The following RNF43 variants were observed in gnomAD, a reference collection of about 807,000 sequenced individuals.
RNF43 encodes ring finger protein 43, also known as E3 ubiquitin-protein ligase RNF43.
In RNF43, 37 loss-of-function variants were observed where a neutral mutation model predicts 78.4. The observed-to-expected ratio is 0.47, with a 90% CI of 0.36 to 0.62. The LOEUF is 0.62. RNF43 is among the 20% of genes least tolerant of loss of function. The probability of loss-of-function intolerance (pLI) is 0.00; values close to 1 mark genes in which losing one functional copy is unlikely to be tolerated. For synonymous variants in RNF43, 347 were observed against 395.0 expected (o/e 0.88, Z 1.44); for missense variants, 774 against 1,007.9 (o/e 0.77, Z 3.14).
At position 58,362,106 on chromosome 17, in the gene RNF43, CAAA is replaced by C. The variant is rs1972845909; in HGVS notation, c.687+435_687+437del. Among the ~76,000 whole-genome samples the C allele has an allele frequency of 1.3e-5, 2 of 148,388 alleles. 1 individual carries two copies. Among genetic ancestry groups the C allele is most frequent in the South Asian group, 4.3e-4 (2 of 4,700 alleles). ...GTCTCAAAACAAACAAACAAACAAA[CAAA>C]CAAAAAAAAACCTTGTTCCCTTGCA... is the stretch of plus-strand genomic sequence containing the variant. On this transcript the variant is annotated intron_variant, in intron 6 of 9. Coordinates refer to ENST00000407977, the MANE Select transcript of RNF43 (RefSeq NM_017763.6).
rs193149631 is a variant in RNF43 at position 58,366,369 on chromosome 17, C to G, written c.376-2769G>C. On this transcript the variant is annotated intron_variant, in intron 3 of 9. Transcript: ENST00000407977. ...GCCTCTCCCCTCCACGCACCAGGTG[C>G]GTCCCTGAAACCTGGACTTAGCAGA... Among the ~76,000 whole-genome samples, 223 of 152,290 alleles carry G rather than the reference C, an allele frequency of 1.5e-3. 1 individual carries two copies. The highest frequency in any genetic ancestry group is 5.1e-3 in the African/African-American group (213 of 41,550).
intron 5 of RNF43, among the ~76,000 whole-genome samples, chr17:58,362,929 C>T (rs1403636682): frequency 6.6e-6 from 1 of 152,218 alleles, no homozygotes; most frequent in Non-Finnish European, 1.5e-5. Context: ...GTGGGAGTTT[C>T]TTGCCAGTGA....
At chr17:58,383,415 AC>A (rs1973363696) in intron 2 of RNF43, among the ~76,000 whole-genome samples, 1 of 151,640 alleles carries the variant, frequency 6.6e-6, no homozygotes, top group Admixed American at 6.6e-5. Flanking sequence ...TACCTCAGCA[AC>A]CCCCAAGTGG....
chr17:58,379,003 A>G (rs772029641), intron 2 of RNF43, among the ~76,000 whole-genome samples: 2 of 152,146 alleles, frequency 1.3e-5, no homozygotes, highest in Non-Finnish European at 2.9e-5. Context: ...GACCTTCAAA[A>G]TTTGTCTTTT....
At chr17:58,409,140 T>C (rs774523497) in intron 2 of RNF43, among the ~76,000 whole-genome samples, 7 of 152,238 alleles carry the variant, frequency 4.6e-5, no homozygotes, top group Non-Finnish European at 7.3e-5. Context: ...TCCTATCTCC[T>C]GCAAACCAGA....
intron 2 of RNF43, among the ~76,000 whole-genome samples, chr17:58,380,336 C>T (rs1973287500): frequency 6.6e-6 from 1 of 152,142 alleles, no homozygotes; most frequent in South Asian, 2.1e-4. Flanking sequence ...TATCTAATTC[C>T]CACAGGCCCA....
chr17:58,363,213 A>T (rs2143465123), intron 5 of RNF43, 62 bp downstream of exon 5: 3 of 1,591,030 alleles, frequency 1.9e-6, no homozygotes, highest in Non-Finnish European at 2.6e-6. Flanking sequence ...TTTTGGTGGG[A>T]GTTGCCACAG....
rs142671685 is a variant in RNF43 at position 58,409,473 on chromosome 17, C to T, written c.252+5853G>A. ...AAAAACATTTAAAAAATCCAATAAA[C>T]TCTTTCCAATGAACAAAATGTAAAG... On this transcript the variant is annotated intron_variant, in intron 2 of 9. Coordinates refer to ENST00000407977, the MANE Select transcript of RNF43 (RefSeq NM_017763.6). Among the ~76,000 whole-genome samples the T allele has an allele frequency of 1.4e-3, 220 of 152,272 alleles. 1 individual carries two copies. The highest frequency in any genetic ancestry group is 5.1e-3 in the African/African-American group (212 of 41,558).
At chr17:58,389,999 A>G (rs1223143309) in intron 2 of RNF43, among the ~76,000 whole-genome samples, 2 of 152,228 alleles carry the variant, frequency 1.3e-5, no homozygotes, top group Non-Finnish European at 2.9e-5. Flanking sequence ...GAAAGGATAC[A>G]CTGCTTATCT....
chr17:58,385,855 C>T (rs1007573708), intron 2 of RNF43, among the ~76,000 whole-genome samples: 1 of 152,126 alleles, frequency 6.6e-6, no homozygotes, highest in African/African-American at 2.4e-5. Context: ...GCTTGTAATC[C>T]CATAACTTTG....
chr17:58,401,647 T>C (rs1174831889), intron 2 of RNF43, among the ~76,000 whole-genome samples: 1 of 152,152 alleles, frequency 6.6e-6, no homozygotes, highest in African/African-American at 2.4e-5. Context: ...AGTAGGACAT[T>C]TTATATAATA....
chr17:58,370,880 C>A (rs895296333), intron 3 of RNF43, 31 bp downstream of exon 3: 1 of 1,540,932 alleles, frequency 6.5e-7, no homozygotes, highest in African/African-American at 1.4e-5. Context: ...GGTGAAGCTC[C>A]GGGTGTGTGT....
At chr17:58,378,183 G>C (rs1199885521) in intron 2 of RNF43, among the ~76,000 whole-genome samples, 1 of 152,228 alleles carries the variant, frequency 6.6e-6, no homozygotes, top group African/African-American at 2.4e-5. Context: ...ATCTCTCTGA[G>C]ATGACTGAGT....
Position 58,358,578 on chromosome 17 carries a change from C to T in RNF43, c.1198G>A (p.Gly400Arg), listed in dbSNP as rs1367341204. 1 of 1,598,942 alleles carries T rather than the reference C, an allele frequency of 6.3e-7. No individual in the cohort carries two copies. The highest frequency in any genetic ancestry group is 8.5e-7 in the Non-Finnish European group (1 of 1,172,086). Residue 400 changes from glycine (G) to arginine (R), a missense_variant, in exon 9 of 10, where the codon GGA becomes AGA. Gly to Arg is a moderately radical substitution (Grantham distance 125, BLOSUM62 -2). Transcript: ENST00000407977. The surrounding 1 kb of genome is among the most constrained non-coding windows in gnomAD (Gnocchi z 6.2). ...FPRAAHPRAP[G>R]EQQRLAGAQH... is the part of the protein sequence containing the mutation. ...GCTCCTGCCAGGCGCTGCTGCTCTC[C>T]TGGAGCCCGGGGATGTGCAGCTCTG...
In RNF43 at chr17:58,357,687, G is replaced by T; in HGVS notation, c.2089C>A (p.His697Asn). Residue 697 changes from histidine (H) to asparagine (N), a missense_variant, in exon 9 of 10, where the codon CAC (histidine) becomes AAC (asparagine). His to Asn is a moderately conservative substitution (Grantham distance 68, BLOSUM62 1). Coordinates refer to ENST00000407977, the MANE Select transcript of RNF43 (RefSeq NM_017763.6). This position sits in a 1 kb window ranked among gnomAD's most constrained non-coding sequence, Gnocchi z 4.5. ...SVAYPWSPEA[H>N]PLICGPPGLD... ...CCTGGAGGTCCACAGATCAAGGGGT[G>T]TGCCTCTGGGGACCAAGGATATGCC... 6.2e-7 allele frequency: 1 copy of T among 1,612,356 alleles called. No individual in the cohort carries two copies. The highest frequency in any genetic ancestry group is 2.2e-5 in the East Asian group (1 of 44,866).
chr17:58,358,134 C>T lies in RNF43; in HGVS notation c.1642G>A (p.Val548Ile), dbSNP rs375113334. 1 of 1,613,164 alleles carries T rather than the reference C, an allele frequency of 6.2e-7. No individual in the cohort carries two copies. Among genetic ancestry groups the T allele is most frequent in the African/African-American group, 1.3e-5 (1 of 74,972 alleles). The change falls in exon 9 of 10, where the codon GTC becomes ATC. Residue 548 changes from valine (V) to isoleucine (I), a missense_variant. Physicochemically the swap from Val to Ile is conservative, Grantham distance 29. Transcript: ENST00000407977. The surrounding 1 kb of genome is among the most constrained non-coding windows in gnomAD (Gnocchi z 6.2). ...PTGETQVSSH[V>I]HYHRHRHHHY... is the part of the protein sequence containing the mutation. Reference sequence around the variant, plus strand: ...TGGTGCCGGTGGCGGTGGTAGTGGACATGGCTGGAAACCTGGGTTTCCCCT... The same window carrying T: ...TGGTGCCGGTGGCGGTGGTAGTGGATATGGCTGGAAACCTGGGTTTCCCCT...
At position 58,360,890 on chromosome 17, in the gene RNF43, A is replaced by G. The variant is rs2143447378; in HGVS notation, c.742T>C (p.Tyr248His). Residue 248 changes from tyrosine to histidine, a missense_variant, in exon 7 of 10, where the codon TAC becomes CAC. Coordinates refer to ENST00000407977, the MANE Select transcript of RNF43 (RefSeq NM_017763.6). This position sits in a 1 kb window ranked among gnomAD's most constrained non-coding sequence, Gnocchi z 4.3. ...CGGGCCTGCCTGCAGCTGGCCTGGT[A>G]CCTCCTGGTGGCCAGCTGGCTGATG... The part of the protein sequence containing the change: ...WAISQLATRR[Y>H]QASCRQARGE... 1 of 1,610,600 alleles carries G rather than the reference A, an allele frequency of 6.2e-7. No individual in the cohort carries two copies. The highest frequency in any genetic ancestry group is 8.5e-7 in the Non-Finnish European group (1 of 1,178,120).
intron 2 of RNF43, among the ~76,000 whole-genome samples, chr17:58,414,818 C>T (rs902181209): frequency 2.6e-5 from 4 of 152,154 alleles, no homozygotes; most frequent in East Asian, 1.9e-4. Context: ...CAATAGGGTG[C>T]CACACGTGGT....
rs116538925 is a variant in RNF43 at position 58,401,054 on chromosome 17, G to T, written c.252+14272C>A. On this transcript the variant is annotated intron_variant, in intron 2 of 9. Transcript: ENST00000407977. ...GCAGAAATGGTAGTTTCTCACCTTA[G>T]GAACTTTGCATGGTGGTCTGACTTC... is the stretch of plus-strand genomic sequence containing the variant. Among the ~76,000 whole-genome samples the T allele has an allele frequency of 7.1e-3, 962 of 134,700 alleles. 6 individuals are homozygous for T. The highest frequency in any genetic ancestry group is 0.023 in the African/African-American group (899 of 39,650). The allele number at this position is 134,700 out of a possible 152,430, so 88.4% of individuals were successfully genotyped here.
Sources: gnomAD v4.1 joint callset for allele counts (sites outside exome capture counted in the v4.1 genomes callset) on GRCh38, gnomAD v4.1.1 for gene constraint, Gnocchi (gnomAD v3.1) non-coding constraint, MANE v1.5 for transcripts, NCBI Gene and HGNC (gene_info 2026-07-23, HGNC 2026-07-21) for gene names.